The following RBFOX1 variants were observed in gnomAD, a reference collection of about 807,000 sequenced individuals.
RBFOX1 encodes the protein RNA binding fox-1 homolog 1.
In RBFOX1, 8 loss-of-function variants were observed where a neutral mutation model predicts 57.7. That is an observed-to-expected ratio of 0.14 (90% CI 0.08 to 0.25). RBFOX1 has a LOEUF of 0.25. Ranked by LOEUF, RBFOX1 falls within the 10% of genes least tolerant of loss-of-function variation. The pLI is 1.00. For missense variants in RBFOX1, 611 were observed against 548.5 expected (o/e 1.11, Z -1.14); for synonymous variants, 326 against 222.4 (o/e 1.47, Z -4.15).
At chr16:6,084,471 C>T (rs942363136) in intron 1 of RBFOX1, among the ~76,000 whole-genome samples, 1 of 152,102 alleles carries the variant, frequency 6.6e-6, no homozygotes, top group Non-Finnish European at 1.5e-5. Context: ...CTCCAACTCC[C>T]AGGCTGAAGC....
At chr16:6,613,309 A>C (rs2098094473) in intron 2 of RBFOX1, among the ~76,000 whole-genome samples, 1 of 152,008 alleles carries the variant, frequency 6.6e-6, no homozygotes, top group African/African-American at 2.4e-5. Flanking sequence ...CTTGGGAAGG[A>C]TGGAGAGCAA....
At chr16:6,903,252 G>A (rs1251256964) in intron 3 of RBFOX1, among the ~76,000 whole-genome samples, 2 of 152,206 alleles carry the variant, frequency 1.3e-5, no homozygotes, top group African/African-American at 2.4e-5. Flanking sequence ...GGCCATTGTA[G>A]CTGCCGCCAG....
At chr16:7,344,719 T>G (rs1312081526) in intron 4 of RBFOX1, among the ~76,000 whole-genome samples, 4 of 152,130 alleles carry the variant, frequency 2.6e-5, no homozygotes, top group Non-Finnish European at 5.9e-5. Context: ...CTCAGCAAAG[T>G]GGAACAATTT....
At chr16:5,645,471 T>A (rs2049023589) in intron 3 of RBFOX1, among the ~76,000 whole-genome samples, 1 of 152,208 alleles carries the variant, frequency 6.6e-6, no homozygotes, top group Non-Finnish European at 1.5e-5. Context: ...ATGTGATGTT[T>A]GCACACAGCT....
intron 3 of RBFOX1, among the ~76,000 whole-genome samples, chr16:6,811,761 C>T (rs67592037): frequency 0.13 from 19,262 of 152,070 alleles, 1,405 homozygotes; most frequent in Non-Finnish European, 0.16. Context: ...TGGTAGTGCA[C>T]GCCTGTAATC....
chr16:6,676,807 C>G (rs1408772762), intron 3 of RBFOX1, among the ~76,000 whole-genome samples: 2 of 151,366 alleles, frequency 1.3e-5, no homozygotes, highest in South Asian at 2.1e-4. Context: ...TCCCTAGTAG[C>G]TGGGATTACA....
intron 4 of RBFOX1, among the ~76,000 whole-genome samples, chr16:7,175,256 A>AT (rs1159295329): frequency 1.3e-5 from 2 of 151,444 alleles, no homozygotes. Context: ...GTGCCCATGT[A>AT]TTTTCATTTT....
chr16:6,771,427 C>T (rs2078273349), intron 3 of RBFOX1, among the ~76,000 whole-genome samples: 1 of 152,130 alleles, frequency 6.6e-6, no homozygotes, highest in South Asian at 2.1e-4. Context: ...TACACTTCTG[C>T]TCCTGTCTGC....
rs528408250 is a variant in RBFOX1 at position 5,502,340 on chromosome 16, GGGACACTGTAAGGGTGGGATGT to G, written c.258+35097_258+35118del. ...CTGTGCTGGTGTGTCCCAGTGGATG[GGGACACTGTAAGGGTGGGATGT>G]GGACACTGTAGGGGTGGGATGTGGA... On this transcript the variant is annotated intron_variant, in intron 2 of 2. Transcript: ENST00000585867. Among the ~76,000 whole-genome samples, 1,361 of 152,228 alleles carry G rather than the reference GGGACACTGTAAGGGTGGGATGT, an allele frequency of 8.9e-3. 17 individuals are homozygous for G. Among genetic ancestry groups the G allele is most frequent in the Middle Eastern group, 0.048 (14 of 294 alleles).
At chr16:7,169,207 A>C (rs576159941) in intron 4 of RBFOX1, among the ~76,000 whole-genome samples, 5 of 152,236 alleles carry the variant, frequency 3.3e-5, no homozygotes, top group Non-Finnish European at 7.3e-5. Context: ...TTATATGAAC[A>C]GGATGTGATG....
At chr16:7,341,776 C>CTCCCTCCTTCCTTCCTTCCT (rs2096900288) in intron 4 of RBFOX1, among the ~76,000 whole-genome samples, 8 of 95,196 alleles carry the variant, frequency 8.4e-5, no homozygotes, top group African/African-American at 3.2e-4. Context: ...CCCTCCCTCC[C>CTCCCTCCTTCCTTCCTTCCT]TCCTTCCTTC....
At chr16:6,800,680 C>G (rs1249452700) in intron 3 of RBFOX1, among the ~76,000 whole-genome samples, 3 of 152,104 alleles carry the variant, frequency 2.0e-5, no homozygotes, top group Admixed American at 6.5e-5. Flanking sequence ...TTTTAAATCA[C>G]TGGAGTAGGC....
At chr16:6,315,554 TGG>T in intron 1 of RBFOX1, among the ~76,000 whole-genome samples, 1 of 72,496 alleles carries the variant, frequency 1.4e-5, no homozygotes, top group Admixed American at 1.4e-4. Context: ...GATGGATGGA[TGG>T]ATGGATGGAT....
At chr16:6,939,976 G>T (rs1269620640) in intron 3 of RBFOX1, among the ~76,000 whole-genome samples, 2 of 152,162 alleles carry the variant, frequency 1.3e-5, no homozygotes, top group African/African-American at 4.8e-5. Context: ...TTTAAAGTTT[G>T]TATAATTTAT....
intron 2 of RBFOX1, among the ~76,000 whole-genome samples, chr16:6,474,130 C>G (rs1354052873): frequency 1.3e-5 from 2 of 152,000 alleles, no homozygotes; most frequent in African/African-American, 4.8e-5. Flanking sequence ...TGTATGCAGT[C>G]TATCCTTGAT....
chr16:7,186,267 C>G (rs59875092), intron 4 of RBFOX1, among the ~76,000 whole-genome samples: 2 of 76,322 alleles, frequency 2.6e-5, no homozygotes, highest in Non-Finnish European at 4.7e-5. Context: ...TTTATATAAA[C>G]ATAAACATAA....
chr16:7,174,694 C>A (rs939251147), intron 4 of RBFOX1, among the ~76,000 whole-genome samples: 1 of 152,148 alleles, frequency 6.6e-6, no homozygotes, highest in Non-Finnish European at 1.5e-5. Flanking sequence ...GCAGGAGAAT[C>A]ACTTGAACGC....
chr16:7,493,970 T>C (rs2067765367), intron 4 of RBFOX1, among the ~76,000 whole-genome samples: 1 of 152,212 alleles, frequency 6.6e-6, no homozygotes, highest in African/African-American at 2.4e-5. Context: ...AATTTCTTAG[T>C]TATTTGAAGA....
intron 3 of RBFOX1, among the ~76,000 whole-genome samples, chr16:6,915,506 C>A (rs183725010): frequency 1.3e-5 from 2 of 151,528 alleles, no homozygotes; most frequent in Admixed American, 6.6e-5. Flanking sequence ...AATCTAAAAT[C>A]TAAACAATAA....
Sources: allele counts gnomAD v4.1 joint callset (sites outside exome capture counted in the v4.1 genomes callset), GRCh38; gene constraint gnomAD v4.1.1; transcripts MANE v1.5; gene names NCBI Gene and HGNC (gene_info 2026-07-23, HGNC 2026-07-21).